The following GPBP1 variants were observed in gnomAD, a reference collection of about 807,000 sequenced individuals.
The protein encoded by GPBP1 is GC-rich promoter binding protein 1, also known as vasculin.
GPBP1 carries 13 observed loss-of-function variants against 56.5 expected under a neutral mutation model. That is an observed-to-expected ratio of 0.23 (90% CI 0.15 to 0.37). The LOEUF (loss-of-function observed/expected upper bound fraction) is 0.37, where lower values mean the gene tolerates loss of function less well. Ranked by LOEUF, GPBP1 falls within the 10% of genes least tolerant of loss-of-function variation. The pLI is 1.00. For synonymous variants in GPBP1, 204 were observed against 188.9 expected (o/e 1.08, Z -0.66); for missense variants, 477 against 572.3 (o/e 0.83, Z 1.70).
At chr5:57,209,107 A>G (rs1316522780) in intron 2 of GPBP1, among the ~76,000 whole-genome samples, 2 of 151,852 alleles carry the variant, frequency 1.3e-5, no homozygotes, top group African/African-American at 4.8e-5. Flanking sequence ...TGTTTTCCTA[A>G]TTTCTTTTTT....
At chr5:57,227,745 TAATA>T (rs1239526233) in intron 3 of GPBP1, among the ~76,000 whole-genome samples, 1 of 152,108 alleles carries the variant, frequency 6.6e-6, no homozygotes, top group Admixed American at 6.6e-5. Context: ...GTACCATGAG[TAATA>T]AAGTCTTTGT....
Position 57,249,511 on chromosome 5 carries a change from A to G in GPBP1, c.907A>G (p.Lys303Glu). Residue 303 changes from lysine to glutamate, a missense_variant, in exon 9 of 12, where the codon AAA becomes GAA. Transcript: ENST00000506184. ...MRTDKKSEFL[K>E]ALKRDRVEEE... Reference sequence around the variant, plus strand: ...CACTGATAAGAAGAGTGAATTTTTGAAAGCATTGAAAAGAGACAGAGTAGA... The same window carrying G: ...CACTGATAAGAAGAGTGAATTTTTGGAAGCATTGAAAAGAGACAGAGTAGA... The G allele has an allele frequency of 6.2e-7, 1 of 1,613,480 alleles. No homozygotes were observed. Among genetic ancestry groups the G allele is most frequent in the Non-Finnish European group, 8.5e-7 (1 of 1,179,766 alleles).
At chr5:57,217,564 A>G (rs1755751307) in intron 3 of GPBP1, among the ~76,000 whole-genome samples, 1 of 151,862 alleles carries the variant, frequency 6.6e-6, no homozygotes. Flanking sequence ...AGAGTGAAAT[A>G]CTGTCTCAAA....
intron 2 of GPBP1, among the ~76,000 whole-genome samples, chr5:57,189,915 T>C (rs1754445546): frequency 6.6e-6 from 1 of 152,200 alleles, no homozygotes; most frequent in African/African-American, 2.4e-5. Flanking sequence ...AAACCTAACT[T>C]TCTCTGAGAT....
intron 2 of GPBP1, among the ~76,000 whole-genome samples, chr5:57,208,330 C>G (rs1301417614): frequency 6.6e-6 from 1 of 151,672 alleles, no homozygotes; most frequent in Non-Finnish European, 1.5e-5. Flanking sequence ...ACTTCCCGGG[C>G]TCAAGCAATC....
At chr5:57,180,336 G>A (rs1210387216) in intron 2 of GPBP1, among the ~76,000 whole-genome samples, 3 of 151,862 alleles carry the variant, frequency 2.0e-5, no homozygotes, top group Admixed American at 6.6e-5. Flanking sequence ...GGCTGGTCTC[G>A]AACTCCTGAC....
chr5:57,204,679 T>G (rs2111715445), intron 2 of GPBP1, among the ~76,000 whole-genome samples: 1 of 152,352 alleles, frequency 6.6e-6, no homozygotes, highest in South Asian at 2.1e-4. Context: ...TTACCTTTGG[T>G]CTAGAATATT....
At chr5:57,235,065 G>T (rs963878149) in intron 5 of GPBP1, among the ~76,000 whole-genome samples, 1 of 152,132 alleles carries the variant, frequency 6.6e-6, no homozygotes, top group Non-Finnish European at 1.5e-5. Flanking sequence ...CCAGCACTTT[G>T]GGAGGCAGAG....
chr5:57,207,601 C>T lies in GPBP1; in HGVS notation c.-57-6473C>T, dbSNP rs370891387. Reference sequence around the variant, plus strand: ...GTGTTAGCTCAGTTAGATGCCCTGCCTTATCGCAAGGACAGAGGGCTTTTT... The same window carrying T: ...GTGTTAGCTCAGTTAGATGCCCTGCTTTATCGCAAGGACAGAGGGCTTTTT... On this transcript the variant is annotated intron_variant, in intron 2 of 11. Transcript: ENST00000506184. Among the ~76,000 whole-genome samples the T allele has an allele frequency of 5.3e-5, 8 of 152,206 alleles. No homozygotes were observed. The East Asian group carries it at 1.5e-3, about 29-fold the overall frequency.
intron 3 of GPBP1, among the ~76,000 whole-genome samples, chr5:57,215,806 C>T (rs1225492947): frequency 6.7e-6 from 1 of 150,068 alleles, no homozygotes; most frequent in Non-Finnish European, 1.5e-5. Flanking sequence ...GGAGCAATAG[C>T]CTGAATCTTC....
chr5:57,230,923 C>T lies in GPBP1; in HGVS notation c.141C>T (p.His47=), dbSNP rs1362934946. 2 of 1,612,460 alleles carry T rather than the reference C, an allele frequency of 1.2e-6. No individual in the cohort carries two copies. The highest frequency in any genetic ancestry group is 8.5e-7 in the Non-Finnish European group (1 of 1,179,326). The stretch of plus-strand genomic sequence containing the variant: ...GTTATGATGTGAACCGTCGACGACA[C>T]AACTCTTCAGATGGCTTTGATTCTG... ...ENRYDVNRRR[H]NSSDGFDSAI... The change falls in exon 4 of 12, where the codon CAC becomes CAT. Residue 47 remains histidine, a synonymous_variant. Transcript: ENST00000506184.
At chr5:57,200,827 G>A (rs1422397334) in intron 2 of GPBP1, among the ~76,000 whole-genome samples, 1 of 152,134 alleles carries the variant, frequency 6.6e-6, no homozygotes, top group African/African-American at 2.4e-5. Flanking sequence ...GACTACAGGC[G>A]CTAGCCACCA....
intron 2 of GPBP1, among the ~76,000 whole-genome samples, chr5:57,199,328 A>T (rs917867765): frequency 1.3e-5 from 2 of 152,142 alleles, no homozygotes; most frequent in Non-Finnish European, 2.9e-5. Flanking sequence ...TAGTGTTAGA[A>T]CTGGGACTAG....
chr5:57,185,883 C>T (rs1754263123), intron 2 of GPBP1, among the ~76,000 whole-genome samples: 1 of 151,498 alleles, frequency 6.6e-6, no homozygotes, highest in Non-Finnish European at 1.5e-5. Flanking sequence ...CCCCTGCAGT[C>T]CCACCTACTG....
At chr5:57,241,609 C>T (rs546814718) in intron 6 of GPBP1, among the ~76,000 whole-genome samples, 2 of 152,160 alleles carry the variant, frequency 1.3e-5, no homozygotes, top group East Asian at 1.9e-4. Context: ...CATTTATTTG[C>T]GAGGATAGAG....
chr5:57,190,847 C>T (rs2111633862), intron 2 of GPBP1, among the ~76,000 whole-genome samples: 1 of 151,862 alleles, frequency 6.6e-6, no homozygotes, highest in East Asian at 2.0e-4. Context: ...GCTGGGACTA[C>T]AGGTACATAC....
chr5:57,180,177 C>T (rs1753977968), intron 2 of GPBP1, among the ~76,000 whole-genome samples: 1 of 152,170 alleles, frequency 6.6e-6, no homozygotes. Flanking sequence ...AGCAGTGGCA[C>T]AATCTCTGCT....
At chr5:57,243,825 C>T (rs1740950213) in intron 6 of GPBP1, among the ~76,000 whole-genome samples, 1 of 151,792 alleles carries the variant, frequency 6.6e-6, no homozygotes, top group South Asian at 2.1e-4. Flanking sequence ...GCTAAGACTA[C>T]AGGTGCACAT....
chr5:57,212,338 A>G (rs1395416656), intron 2 of GPBP1, among the ~76,000 whole-genome samples: 1 of 152,226 alleles, frequency 6.6e-6, no homozygotes, highest in African/African-American at 2.4e-5. Context: ...ATGTTAAAAG[A>G]TGAAAATCTT....
Sources: allele counts gnomAD v4.1 joint callset (sites outside exome capture counted in the v4.1 genomes callset), GRCh38; gene constraint gnomAD v4.1.1; transcripts MANE v1.5; gene names NCBI Gene and HGNC (gene_info 2026-07-23, HGNC 2026-07-21).